The following SPATA17 variants were observed in gnomAD, a reference collection of about 807,000 sequenced individuals.
SPATA17 encodes spermatogenesis associated 17.
A neutral mutation model predicts 62.2 loss-of-function variants in SPATA17; 53 were observed. The ratio of observed to expected loss-of-function variants is 0.85; its 90% CI spans 0.68 to 1.07. The LOEUF (loss-of-function observed/expected upper bound fraction) is 1.07, where lower values mean the gene tolerates loss of function less well. SPATA17 is among the 50% of genes least tolerant of loss of function. SPATA17 has a pLI of 0.00. For missense variants in SPATA17, 466 were observed against 425.5 expected, an observed-to-expected ratio of 1.10 and a Z score of -0.84; for synonymous variants, 146 against 146.8, an observed-to-expected ratio of 0.99 and a Z score of 0.04.
intron 6 of SPATA17, among the ~76,000 whole-genome samples, chr1:217,756,219 CTT>C (rs1020435062): frequency 6.6e-6 from 1 of 151,792 alleles, no homozygotes; most frequent in African/African-American, 2.4e-5. Context: ...ATTATTCACT[CTT>C]TTTTTAATGA....
At chr1:217,678,205 C>CTATTTTTTTTTTTTT (rs1670997146) in intron 4 of SPATA17, among the ~76,000 whole-genome samples, 1 of 107,552 alleles carries the variant, frequency 9.3e-6, no homozygotes. Context: ...CTTTTCTTTT[C>CTATTTTTTTTTTTTT]TTTTTTTTTT....
At chr1:217,810,122 A>G (rs929504476) in intron 9 of SPATA17, among the ~76,000 whole-genome samples, 25 of 152,186 alleles carry the variant, frequency 1.6e-4, no homozygotes, top group African/African-American at 5.8e-4. Flanking sequence ...TTGGTTTTAT[A>G]CAACAGATTC....
intron 5 of SPATA17, among the ~76,000 whole-genome samples, chr1:217,716,390 G>T (rs1471644953): frequency 6.6e-6 from 1 of 152,102 alleles, no homozygotes; most frequent in African/African-American, 2.4e-5. Flanking sequence ...GTTTGTATTT[G>T]CCCTCCTTTT....
intron 8 of SPATA17, among the ~76,000 whole-genome samples, chr1:217,798,415 G>A (rs1674210582): frequency 6.6e-6 from 1 of 152,122 alleles, no homozygotes; most frequent in African/African-American, 2.4e-5. Flanking sequence ...AAAAGTATGT[G>A]TTTCTCTTTT....
At chr1:217,798,663 T>C (rs1243419422) in intron 8 of SPATA17, among the ~76,000 whole-genome samples, 1 of 152,178 alleles carries the variant, frequency 6.6e-6, no homozygotes, top group African/African-American at 2.4e-5. Flanking sequence ...TGTGGCCAAG[T>C]CAGCCCTCCA....
At chr1:217,855,641 G>A (rs1428596719) in intron 9 of SPATA17, among the ~76,000 whole-genome samples, 3 of 151,796 alleles carry the variant, frequency 2.0e-5, no homozygotes, top group Admixed American at 6.6e-5. Flanking sequence ...CCTTCAGTTT[G>A]CATGTCTGTC....
intron 6 of SPATA17, among the ~76,000 whole-genome samples, chr1:217,753,072 G>C (rs1035641639): frequency 2.2e-4 from 34 of 152,164 alleles, no homozygotes; most frequent in Admixed American, 2.2e-3. Flanking sequence ...GGGGAAGTGT[G>C]ATAGAGGATG....
At chr1:217,637,930 G>A (rs1349791319) in intron 1 of SPATA17, among the ~76,000 whole-genome samples, 1 of 151,998 alleles carries the variant, frequency 6.6e-6, no homozygotes, top group East Asian at 1.9e-4. Flanking sequence ...AAACTCTTTA[G>A]ATATTAGTTT....
intron 5 of SPATA17, among the ~76,000 whole-genome samples, chr1:217,690,886 T>C (rs1671337720): frequency 6.8e-6 from 1 of 146,890 alleles, no homozygotes; most frequent in Non-Finnish European, 1.5e-5. Context: ...ATCCAGTCTA[T>C]CATTGTGGGA....
chr1:217,793,408 G>C (rs1258908256), intron 8 of SPATA17, among the ~76,000 whole-genome samples: 1 of 151,884 alleles, frequency 6.6e-6, no homozygotes, highest in African/African-American at 2.4e-5. Flanking sequence ...TTTTAGTAGA[G>C]ACGGGGTTTC....
intron 5 of SPATA17, among the ~76,000 whole-genome samples, chr1:217,711,005 T>G (rs1671848729): frequency 6.6e-6 from 1 of 152,222 alleles, no homozygotes; most frequent in South Asian, 2.1e-4. Context: ...TAATTCCTTG[T>G]TATTGTCAAA....
At chr1:217,672,582 C>A (rs1474214095) in intron 4 of SPATA17, among the ~76,000 whole-genome samples, 2 of 152,136 alleles carry the variant, frequency 1.3e-5, no homozygotes, top group Non-Finnish European at 2.9e-5. Context: ...AGGAGTTTTA[C>A]AAATTTATTT....
chr1:217,782,363 G>C, intron 8 of SPATA17, 41 bp downstream of exon 8: 1 of 1,535,848 alleles, frequency 6.5e-7, no homozygotes, highest in Non-Finnish European at 8.7e-7. Flanking sequence ...GACATATTTG[G>C]TGCCTTAAAT....
chr1:217,862,751 A>G, intron 9 of SPATA17, 23 bp from the exon 10 acceptor site: 1 of 1,512,984 alleles, frequency 6.6e-7, no homozygotes, highest in African/African-American at 1.4e-5. Context: ...CTCTGTGGTA[A>G]TCTTTGAACT....
chr1:217,806,696 A>G (rs1674443507), intron 9 of SPATA17, among the ~76,000 whole-genome samples: 1 of 152,174 alleles, frequency 6.6e-6, no homozygotes, highest in Non-Finnish European at 1.5e-5. Context: ...GGCACTGGAA[A>G]TATAAGGTAT....
intron 5 of SPATA17, among the ~76,000 whole-genome samples, chr1:217,724,680 CT>C (rs1425946912): frequency 2.0e-5 from 3 of 152,006 alleles, no homozygotes; most frequent in African/African-American, 7.2e-5. Flanking sequence ...ACAAAAATTC[CT>C]GTTTCTTTAT....
chr1:217,857,152 T>A (rs1210009347), intron 9 of SPATA17, among the ~76,000 whole-genome samples: 1 of 152,208 alleles, frequency 6.6e-6, no homozygotes, highest in Admixed American at 6.5e-5. Flanking sequence ...TTTTGTCTCC[T>A]ATGGTGTAAC....
chr1:217,755,876 A>T (rs1673029012), intron 6 of SPATA17, among the ~76,000 whole-genome samples: 4 of 152,074 alleles, frequency 2.6e-5, no homozygotes. Flanking sequence ...TTATATATCT[A>T]TACCAAAATC....
intron 5 of SPATA17, among the ~76,000 whole-genome samples, chr1:217,720,127 A>G (rs941721392): frequency 6.6e-6 from 1 of 152,240 alleles, no homozygotes; most frequent in Non-Finnish European, 1.5e-5. Flanking sequence ...ATGCGTTGAC[A>G]TATCCCTCCA....
Sources: allele counts gnomAD v4.1 joint callset (sites outside exome capture counted in the v4.1 genomes callset), GRCh38; gene constraint gnomAD v4.1.1; transcripts MANE v1.5; gene names NCBI Gene and HGNC (gene_info 2026-07-23, HGNC 2026-07-21).